EFL1: variants seen among roughly 807,000 people sequenced by gnomAD.
EFL1 encodes the protein elongation factor like GTPase 1, also known as elongation factor-like GTPase 1.
Under a neutral mutation model 126.7 loss-of-function variants are expected in EFL1, and 76 were observed. The observed-to-expected ratio is 0.60, with a 90% CI of 0.50 to 0.73. The LOEUF (loss-of-function observed/expected upper bound fraction) is 0.73. Ranked by LOEUF, EFL1 falls within the 30% of genes least tolerant of loss-of-function variation. The probability of loss-of-function intolerance (pLI) is 0.00; values close to 1 mark genes in which losing one functional copy is unlikely to be tolerated. For synonymous variants in EFL1, 410 were observed against 448.4 expected (o/e 0.91, Z 1.08); for missense variants, 1,128 against 1,343.2 (o/e 0.84, Z 2.50).
intron 4 of EFL1, among the ~76,000 whole-genome samples, chr15:82,246,845 C>A (rs1433580072): frequency 6.6e-6 from 1 of 151,876 alleles, no homozygotes; most frequent in Non-Finnish European, 1.5e-5. Flanking sequence ...CTGAAAGAGA[C>A]CAGAAGGTTT....
chr15:82,193,165 T>A (rs2074376879), intron 15 of EFL1, among the ~76,000 whole-genome samples: 1 of 152,214 alleles, frequency 6.6e-6, no homozygotes, highest in Non-Finnish European at 1.5e-5. Flanking sequence ...AAATGAAAGC[T>A]AAAACACCCT....
intron 15 of EFL1, among the ~76,000 whole-genome samples, chr15:82,206,145 A>G (rs2074522400): frequency 6.6e-6 from 1 of 152,236 alleles, no homozygotes; most frequent in South Asian, 2.1e-4. Flanking sequence ...TAGCATATCA[A>G]ATAAAAGAAA....
intron 15 of EFL1, among the ~76,000 whole-genome samples, chr15:82,203,186 C>T (rs1246665052): frequency 6.6e-6 from 1 of 152,152 alleles, no homozygotes; most frequent in African/African-American, 2.4e-5. Flanking sequence ...CTAAAACAGA[C>T]AATATAGGTC....
chr15:82,220,306 T>C, intron 12 of EFL1, 77 bp from the exon 13 acceptor site: 1 of 1,495,994 alleles, frequency 6.7e-7, no homozygotes, highest in Non-Finnish European at 8.9e-7. Flanking sequence ...CATGGCTGGG[T>C]AAGATGAAGA....
chr15:82,150,267 G>A (rs540939619), intron 18 of EFL1, among the ~76,000 whole-genome samples: 4 of 152,212 alleles, frequency 2.6e-5, no homozygotes, highest in African/African-American at 9.6e-5. Flanking sequence ...AACAAACTTA[G>A]ATTTCTGCTT....
chr15:82,140,056 C>A lies in EFL1; in HGVS notation c.2990-1214G>T, dbSNP rs185239202. ...GTGTCACAACGCCTCAAGGAAAAAA[C>A]CTAAACTAAAATCTCTGATGAGCCT... On this transcript the variant is annotated intron_variant, in intron 18 of 19. Coordinates refer to ENST00000268206, the MANE Select transcript of EFL1 (RefSeq NM_024580.6). Among the ~76,000 whole-genome samples, 506 of 152,188 alleles carry A rather than the reference C, an allele frequency of 3.3e-3. 6 individuals carry two copies. Among genetic ancestry groups the A allele is most frequent in the African/African-American group, 0.011 (475 of 41,526 alleles).
At chr15:82,231,358 A>C (rs1444192653) in intron 7 of EFL1, among the ~76,000 whole-genome samples, 1 of 152,210 alleles carries the variant, frequency 6.6e-6, no homozygotes, top group Non-Finnish European at 1.5e-5. Flanking sequence ...GTTAAGTGAC[A>C]GCTGCTCACA....
At chr15:82,158,140 T>C (rs1264361002) in intron 16 of EFL1, among the ~76,000 whole-genome samples, 1 of 152,212 alleles carries the variant, frequency 6.6e-6, no homozygotes, top group Non-Finnish European at 1.5e-5. Context: ...TACCATCTTT[T>C]TACTTGTGAA....
intron 18 of EFL1, among the ~76,000 whole-genome samples, chr15:82,149,934 T>A (rs2073890145): frequency 6.6e-6 from 1 of 152,178 alleles, no homozygotes; most frequent in Non-Finnish European, 1.5e-5. Context: ...TCTTAGGTCT[T>A]CTTCAAAGAT....
chr15:82,215,408 T>A (rs972142776), intron 14 of EFL1, among the ~76,000 whole-genome samples: 68 of 152,158 alleles, frequency 4.5e-4, no homozygotes, highest in Admixed American at 9.2e-4. Flanking sequence ...TGGAAGAGCA[T>A]GCTGTGATAT....
chr15:82,192,191 G>GGA (rs1406035452), intron 15 of EFL1, among the ~76,000 whole-genome samples: 1 of 152,050 alleles, frequency 6.6e-6, no homozygotes, highest in African/African-American at 2.4e-5. Context: ...TTTGAGGTCA[G>GGA]GAGTTCAAGA....
chr15:82,207,307 T>TATATATACAC (rs141904056), intron 15 of EFL1, among the ~76,000 whole-genome samples: 103 of 145,430 alleles, frequency 7.1e-4, no homozygotes, highest in African/African-American at 2.3e-3. Flanking sequence ...TATATATATA[T>TATATATACAC]ACACACACAC....
At chr15:82,137,012 G>A (rs952344496) in intron 19 of EFL1, among the ~76,000 whole-genome samples, 1 of 147,042 alleles carries the variant, frequency 6.8e-6, no homozygotes, top group African/African-American at 2.7e-5. Flanking sequence ...CAAGCATTAA[G>A]AATGTGATTT....
Position 82,184,386 on chromosome 15 carries a change from T to C in EFL1, c.1751-20402A>G, listed in dbSNP as rs528615230. Among the ~76,000 whole-genome samples, 78 of 152,262 alleles carry C rather than the reference T, an allele frequency of 5.1e-4. 1 individual carries two copies. Among genetic ancestry groups the C allele is most frequent in the African/African-American group, 1.8e-3 (73 of 41,564 alleles). ...GCATTAATTACCTCCAGGAAAGGTA[T>C]TATAACAATGGAAAAGACAAAATCC... On this transcript the variant is annotated intron_variant, in intron 15 of 19. Transcript: ENST00000268206.
chr15:82,131,826 T>C (rs1334198909), intron 19 of EFL1, among the ~76,000 whole-genome samples: 2 of 152,082 alleles, frequency 1.3e-5, no homozygotes, highest in African/African-American at 2.4e-5. Context: ...TTATGTTGTA[T>C]GAATTTCACC....
At chr15:82,258,135 C>A (rs894796325) in intron 3 of EFL1, among the ~76,000 whole-genome samples, 1 of 152,174 alleles carries the variant, frequency 6.6e-6, no homozygotes, top group Non-Finnish European at 1.5e-5. Flanking sequence ...ACCTGATAAA[C>A]CCTATTGATC....
intron 15 of EFL1, among the ~76,000 whole-genome samples, chr15:82,213,712 T>C (rs1192128031): frequency 6.6e-6 from 1 of 152,216 alleles, no homozygotes; most frequent in Non-Finnish European, 1.5e-5. Flanking sequence ...TAGGGTGTTT[T>C]CCATTCTTCC....
chr15:82,193,824 C>T (rs2074383281), intron 15 of EFL1, among the ~76,000 whole-genome samples: 1 of 152,098 alleles, frequency 6.6e-6, no homozygotes, highest in African/African-American at 2.4e-5. Context: ...TTACAAAAAT[C>T]TTCAACCTCT....
In EFL1 at chr15:82,130,480, G is replaced by C; in HGVS notation, c.3256C>G (p.Gln1086Glu). The change falls in exon 20 of 20, where the codon CAA (glutamine) becomes GAA (glutamate). Residue 1086 changes from glutamine to glutamate, a missense_variant. Gln to Glu is a conservative substitution (Grantham distance 29). Coordinates refer to ENST00000268206, the MANE Select transcript of EFL1 (RefSeq NM_024580.6). ...ACTGCGTTCATGTACTTCCGGGCTT[G>C]GTTCTCAGAGTCAGCCTTCTCCCCA... is the stretch of plus-strand genomic sequence containing the variant. ...HFGEKADSEN[Q>E]ARKYMNAVRK... is the part of the protein sequence containing the mutation. The C allele has an allele frequency of 1.9e-6, 3 of 1,614,142 alleles. No individual in the cohort carries two copies. The highest frequency in any genetic ancestry group is 2.5e-6 in the Non-Finnish European group (3 of 1,180,024).
Sources: gnomAD v4.1 joint callset for allele counts (sites outside exome capture counted in the v4.1 genomes callset) on GRCh38, gnomAD v4.1.1 for gene constraint, MANE v1.5 for transcripts, NCBI Gene and HGNC (gene_info 2026-07-23, HGNC 2026-07-21) for gene names.